Variants in TNPO1 observed in about 807,000 individuals in gnomAD.
The protein encoded by TNPO1 is transportin 1, also known as transportin-1.
TNPO1 carries 8 observed loss-of-function variants against 119.5 expected under a neutral mutation model. That is an observed-to-expected ratio of 0.07 (90% CI 0.04 to 0.12). The LOEUF is 0.12. TNPO1 is among the 10% of genes least tolerant of loss of function. TNPO1 has a pLI of 1.00. For synonymous variants in TNPO1, 362 were observed against 363.0 expected (o/e 1.00, Z 0.03); for missense variants, 576 against 1,089.8 (o/e 0.53, Z 6.64).
intron 1 of TNPO1, among the ~76,000 whole-genome samples, chr5:72,826,222 CCTTTT>C (rs1481626277): frequency 2.0e-5 from 3 of 152,088 alleles, no homozygotes; most frequent in Admixed American, 6.6e-5. Context: ...ATCCTGGACT[CCTTTT>C]TATTTTTTGC....
chr5:72,849,120 C>G (rs570727724), intron 2 of TNPO1, among the ~76,000 whole-genome samples: 1 of 152,304 alleles, frequency 6.6e-6, no homozygotes, highest in South Asian at 2.1e-4. Flanking sequence ...GGTGTTAACA[C>G]CTGTTGCGAA....
intron 1 of TNPO1, among the ~76,000 whole-genome samples, chr5:72,822,804 G>C (rs899022407): frequency 4.0e-5 from 6 of 151,660 alleles, no homozygotes; most frequent in Non-Finnish European, 7.4e-5. Context: ...TGCTGTGCAG[G>C]CGTGTCTCCA....
intron 22 of TNPO1, among the ~76,000 whole-genome samples, chr5:72,901,623 A>C (rs1320103095): frequency 6.6e-6 from 1 of 152,232 alleles, no homozygotes; most frequent in African/African-American, 2.4e-5. Flanking sequence ...ACATGAGTCC[A>C]GTTAAGCATC....
At chr5:72,871,912 A>T (rs1278708728) in intron 6 of TNPO1, 2 of 152,360 alleles carry the variant, frequency 1.3e-5, no homozygotes, top group East Asian at 3.9e-4. Context: ...TTTAAATTTA[A>T]GAGGTTGTAA....
At chr5:72,827,640 A>G (rs1280189163) in intron 1 of TNPO1, among the ~76,000 whole-genome samples, 2 of 152,180 alleles carry the variant, frequency 1.3e-5, no homozygotes, top group East Asian at 3.9e-4. Context: ...AGTGAAAACT[A>G]GTAGTATTTA....
chr5:72,889,761 A>G (rs758549143), intron 13 of TNPO1, 25 bp from the exon 14 acceptor site: 1 of 1,459,718 alleles, frequency 6.9e-7, no homozygotes, highest in Non-Finnish European at 9.4e-7. Context: ...GTCAATAAGT[A>G]TTCTTTTTTT....
intron 1 of TNPO1, among the ~76,000 whole-genome samples, chr5:72,830,715 A>AT (rs1744419606): frequency 6.6e-6 from 1 of 152,302 alleles, no homozygotes; most frequent in African/African-American, 2.4e-5. Flanking sequence ...ACATGAAATT[A>AT]TTTTTTAAAT....
At chr5:72,881,830 T>C (rs1748268044) in intron 9 of TNPO1, among the ~76,000 whole-genome samples, 1 of 152,176 alleles carries the variant, frequency 6.6e-6, no homozygotes, top group African/African-American at 2.4e-5. Flanking sequence ...CCAGAGACCC[T>C]CACCGTACCA....
At position 72,893,651 on chromosome 5, in the gene TNPO1, C is replaced by G; in HGVS notation, c.2091C>G (p.Ala697=). 2 of 1,614,104 alleles carry G rather than the reference C, an allele frequency of 1.2e-6. No homozygotes were observed. The highest frequency in any genetic ancestry group is 1.7e-6 in the Non-Finnish European group (2 of 1,180,020). Residue 697 remains alanine, a synonymous_variant, in exon 18 of 25, where the codon GCC becomes GCG. Coordinates refer to ENST00000337273, the MANE Select transcript of TNPO1 (RefSeq NM_002270.4). The part of the protein sequence containing the change: ...KMPEVRQSSF[A]LLGDLTKACF... Reference sequence around the variant, plus strand: ...CAGAAGTTCGACAGAGTTCTTTTGCCCTGTTAGGTGACCTCACAAAAGCTT... The same window carrying G: ...CAGAAGTTCGACAGAGTTCTTTTGCGCTGTTAGGTGACCTCACAAAAGCTT...
At position 72,889,839 on chromosome 5, in the gene TNPO1, C is replaced by T; in HGVS notation, c.1583C>T (p.Ala528Val). The change falls in exon 14 of 25, where the codon GCT (alanine) becomes GTT (valine). Residue 528 changes from alanine (A) to valine (V), a missense_variant. By Grantham distance (64) the Ala-to-Val change is moderately conservative (BLOSUM62 0). Coordinates refer to ENST00000337273, the MANE Select transcript of TNPO1 (RefSeq NM_002270.4). ...EACTELVPYL[A>V]YILDTLVFAF... ...TGTACAGAACTTGTTCCTTACCTTG[C>T]TTATATACTTGATACCCTGGTCTTT... 1 of 1,612,798 alleles carries T rather than the reference C, an allele frequency of 6.2e-7. No individual in the cohort carries two copies. The highest frequency in any genetic ancestry group is 8.5e-7 in the Non-Finnish European group (1 of 1,179,662).
chr5:72,889,779 TA>T lies in TNPO1; in HGVS notation c.1530-4del, dbSNP rs775158870. ...AATAAGTATTCTTTTTTTTTTTTTT[TA>T]AACAGTGCCTTTGCTACCCTAGAAG... is the stretch of plus-strand genomic sequence containing the variant. On this transcript the variant is annotated splice_polypyrimidine_tract_variant and splice_region_variant and intron_variant, in intron 13 of 24. Coordinates refer to ENST00000337273, the MANE Select transcript of TNPO1 (RefSeq NM_002270.4). The T allele has an allele frequency of 2.6e-5, 41 of 1,554,332 alleles. No homozygotes were observed. In the East Asian group the frequency reaches 6.6e-4, roughly 25 times the overall value.
chr5:72,863,475 C>T (rs1215220935), intron 5 of TNPO1, among the ~76,000 whole-genome samples: 1 of 151,928 alleles, frequency 6.6e-6, no homozygotes, highest in Non-Finnish European at 1.5e-5. Flanking sequence ...GTCCCAGCTA[C>T]TCAGGAGGCT....
At chr5:72,902,570 C>T (rs1749871294) in intron 22 of TNPO1, among the ~76,000 whole-genome samples, 1 of 151,498 alleles carries the variant, frequency 6.6e-6, no homozygotes, top group South Asian at 2.1e-4. Flanking sequence ...CTAGAGGTAT[C>T]TGATATGACA....
chr5:72,826,103 A>G (rs914334291), intron 1 of TNPO1, among the ~76,000 whole-genome samples: 1 of 151,942 alleles, frequency 6.6e-6, no homozygotes, highest in Admixed American at 6.6e-5. Context: ...CTTCTTCCAC[A>G]TATCTGCTTG....
intron 18 of TNPO1, among the ~76,000 whole-genome samples, chr5:72,895,417 G>A (rs1749359005): frequency 6.6e-6 from 1 of 151,176 alleles, no homozygotes; most frequent in South Asian, 2.1e-4. Flanking sequence ...TCAACTAGGG[G>A]CAATTTTGCC....
intron 1 of TNPO1, among the ~76,000 whole-genome samples, chr5:72,847,105 G>C (rs1745164142): frequency 6.6e-6 from 1 of 151,650 alleles, no homozygotes; most frequent in South Asian, 2.1e-4. Context: ...ATTAGAACTT[G>C]GTGAGCAAAG....
At chr5:72,826,314 G>T (rs1744204274) in intron 1 of TNPO1, among the ~76,000 whole-genome samples, 1 of 151,956 alleles carries the variant, frequency 6.6e-6, no homozygotes, top group Non-Finnish European at 1.5e-5. Context: ...CCCTGTTTTT[G>T]TACATCCTAT....
At chr5:72,875,519 T>C in intron 7 of TNPO1, 96 bp from the exon 8 acceptor site, 1 of 1,390,590 alleles carries the variant, frequency 7.2e-7, no homozygotes, top group Non-Finnish European at 9.8e-7. Flanking sequence ...TTTGGTACCT[T>C]TGTAGGGTTT....
chr5:72,895,348 T>C (rs557553148), intron 18 of TNPO1, among the ~76,000 whole-genome samples: 1 of 73,668 alleles, frequency 1.4e-5, no homozygotes, highest in South Asian at 4.2e-4. Context: ...TGTCTAGTTG[T>C]CCCTCCTTTT....
Sources: gnomAD v4.1 joint callset for allele counts (sites outside exome capture counted in the v4.1 genomes callset) on GRCh38, gnomAD v4.1.1 for gene constraint, MANE v1.5 for transcripts, NCBI Gene and HGNC (gene_info 2026-07-23, HGNC 2026-07-21) for gene names.